The following DIS3L variants were observed in gnomAD, a reference collection of about 807,000 sequenced individuals.
The protein encoded by DIS3L is DIS3 like exosome 3'-5' exoribonuclease.
Under a neutral mutation model 120.3 loss-of-function variants are expected in DIS3L, and 100 were observed. The ratio of observed to expected loss-of-function variants is 0.83; its 90% CI spans 0.71 to 0.98. The LOEUF (loss-of-function observed/expected upper bound fraction) is 0.98. DIS3L is among the 50% of genes least tolerant of loss of function. The pLI is 0.00. For synonymous variants in DIS3L, 426 were observed against 470.6 expected, an observed-to-expected ratio of 0.91 and a Z score of 1.23; for missense variants, 1,196 against 1,314.2, an observed-to-expected ratio of 0.91 and a Z score of 1.39.
intron 5 of DIS3L, among the ~76,000 whole-genome samples, chr15:66,313,078 C>T (rs1393768327): frequency 3.3e-5 from 5 of 152,036 alleles, no homozygotes; most frequent in Non-Finnish European, 4.4e-5. Flanking sequence ...TCACTGCAAC[C>T]TCTGCCTCCC....
At position 66,326,365 on chromosome 15, in the gene DIS3L, G is replaced by C. The variant is rs769719284; in HGVS notation, c.2201+1G>C. The C allele has an allele frequency of 1.9e-6, 3 of 1,611,866 alleles. No individual in the cohort carries two copies. In the East Asian group the frequency reaches 6.7e-5, roughly 36 times the overall value. On this transcript the variant is annotated splice_donor_variant, in intron 12 of 16. Coordinates refer to ENST00000319212, the MANE Select transcript of DIS3L (RefSeq NM_001143688.3). LOFTEE classifies it high-confidence loss of function. ...CCAAAGGCTTCTTCATAGATACACGGTATTCCTCTTTTGAGGGGGCAGAGG... is the reference window on the plus strand; with the variant it reads ...CCAAAGGCTTCTTCATAGATACACGCTATTCCTCTTTTGAGGGGGCAGAGG...
At chr15:66,320,426 A>AT (rs1690792721) in intron 8 of DIS3L, 145 bp from the exon 9 acceptor site, 1 of 829,816 alleles carries the variant, frequency 1.2e-6, no homozygotes, top group Non-Finnish European at 1.7e-6. Flanking sequence ...GAAAAACAAA[A>AT]AAAAAACCCT....
chr15:66,302,869 C>T (rs1338527707), intron 2 of DIS3L, among the ~76,000 whole-genome samples: 3 of 152,154 alleles, frequency 2.0e-5, no homozygotes, highest in Admixed American at 6.6e-5. Context: ...TTTAAGTGCA[C>T]AGTTCAGAGG....
intron 9 of DIS3L, 51 bp from the exon 10 acceptor site, chr15:66,322,636 T>C (rs375487311): frequency 1.6e-5 from 25 of 1,600,334 alleles, no homozygotes; most frequent in Admixed American, 5.2e-5. Flanking sequence ...GAGTGGATTT[T>C]TACAGAAATT....
At position 66,326,083 on chromosome 15, in the gene DIS3L, A is replaced by G; in HGVS notation, c.1920A>G (p.Arg640=). The G allele has an allele frequency of 1.2e-6, 2 of 1,614,214 alleles. No individual in the cohort carries two copies. Among genetic ancestry groups the G allele is most frequent in the South Asian group, 1.1e-5 (1 of 91,082 alleles). ...GKLTDIARHV[R]AKRDGCGALE... ...TGACCGACATAGCTCGCCATGTCAG[A>G]GCTAAACGAGACGGATGTGGTGCCC... The change falls in exon 12 of 17, where the codon AGA becomes AGG. Residue 640 remains arginine, a synonymous_variant. Transcript: ENST00000319212.
At chr15:66,295,847 C>G (rs552229200) in intron 2 of DIS3L, among the ~76,000 whole-genome samples, 1 of 152,170 alleles carries the variant, frequency 6.6e-6, no homozygotes. Flanking sequence ...ATACGTCCAA[C>G]CTTTTAACAC....
At chr15:66,321,817 A>T (rs1443268027) in intron 9 of DIS3L, among the ~76,000 whole-genome samples, 1 of 151,960 alleles carries the variant, frequency 6.6e-6, no homozygotes, top group East Asian at 1.9e-4. Flanking sequence ...CCGCTTTTTA[A>T]TTTCTTTTTG....
chr15:66,325,785 C>T (rs747912199), intron 11 of DIS3L, 46 bp from the exon 12 acceptor site: 2 of 1,543,342 alleles, frequency 1.3e-6, no homozygotes, highest in Admixed American at 4.2e-5. Context: ...CAAAAAAAGC[C>T]AGATGAATTT....
chr15:66,317,239 A>G (rs1456632870), intron 7 of DIS3L, among the ~76,000 whole-genome samples: 1 of 149,938 alleles, frequency 6.7e-6, no homozygotes, highest in Non-Finnish European at 1.5e-5. Flanking sequence ...AACTGATTTT[A>G]TATAAACCCC....
chr15:66,333,526 T>C lies in DIS3L; in HGVS notation c.*214T>C, dbSNP rs56378753. ...CGGGCGGATCACGAGGTCAGGAGAT[T>C]GAGACCATCCTGGCTAACACGGTGA... On this transcript the variant is annotated 3_prime_UTR_variant, in exon 17 of 17. Transcript: ENST00000319212. 931 of 418,600 alleles carry C rather than the reference T, an allele frequency of 2.2e-3. 8 individuals carry two copies. Among genetic ancestry groups the C allele is most frequent in the African/African-American group, 0.017 (857 of 48,980 alleles). 25.9% of individuals were successfully genotyped at this position (418,600 alleles called of 1,614,324 possible).
At chr15:66,294,729 T>C (rs1159515209) in intron 1 of DIS3L, among the ~76,000 whole-genome samples, 2 of 152,162 alleles carry the variant, frequency 1.3e-5, no homozygotes, top group Non-Finnish European at 2.9e-5. Context: ...GCTTGTTCGT[T>C]GTTAAATCAG....
At chr15:66,312,596 A>C (rs2092773480) in intron 5 of DIS3L, among the ~76,000 whole-genome samples, 1 of 152,088 alleles carries the variant, frequency 6.6e-6, no homozygotes, top group African/African-American at 2.4e-5. Context: ...GCCCCTTTCA[A>C]GGGCCTCTTT....
rs74657671 is a variant in DIS3L, at chr15:66,306,815, G to A, written c.294-9G>A. 1.9e-6 allele frequency: 3 copies of A among 1,613,592 alleles called. No homozygotes were observed. The highest frequency in any genetic ancestry group is 1.3e-5 in the African/African-American group (1 of 75,024). ...TTTGTTAGAGTTATTTTTCTCCTCC[G>A]TGTCACAGACAGTATAACAAACTGC... On this transcript the variant is annotated splice_polypyrimidine_tract_variant and intron_variant, in intron 2 of 16. Coordinates refer to ENST00000319212, the MANE Select transcript of DIS3L (RefSeq NM_001143688.3).
intron 2 of DIS3L, among the ~76,000 whole-genome samples, chr15:66,302,938 A>G (rs149463789): frequency 0.011 from 1,741 of 152,260 alleles, 22 homozygotes; most frequent in South Asian, 0.026. Context: ...AGGACTTTTC[A>G]TCTGTCCTAA....
In DIS3L at chr15:66,329,365, A is replaced by G. The variant is rs1341839778; in HGVS notation, c.2501A>G (p.Glu834Gly). The G allele has an allele frequency of 1.2e-6, 2 of 1,612,594 alleles. No homozygotes were observed. Among genetic ancestry groups the G allele is most frequent in the East Asian group, 4.5e-5 (2 of 44,844 alleles). Residue 834 changes from glutamate to glycine, a missense_variant, in exon 14 of 17, where the codon GAG (glutamate) becomes GGG (glycine). Physicochemically the swap from Glu to Gly is moderately conservative, Grantham distance 98 (BLOSUM62 -2). Transcript: ENST00000319212. ...KGNLFSNKDL[E>G]ELCRHINNRN... ...AATCTGTTCAGCAACAAAGATCTTG[A>G]GGAATTATGCAGACATATCAACAAC...
At chr15:66,295,482 T>C (rs950587019) in intron 2 of DIS3L, among the ~76,000 whole-genome samples, 1 of 152,244 alleles carries the variant, frequency 6.6e-6, no homozygotes, top group Non-Finnish European at 1.5e-5. Flanking sequence ...ATCTTATTTA[T>C]AGATACATTG....
At chr15:66,320,443 C>A in intron 8 of DIS3L, 128 bp from the exon 9 acceptor site, 2 of 947,740 alleles carry the variant, frequency 2.1e-6, no homozygotes, top group Non-Finnish European at 3.0e-6. Flanking sequence ...CCCTACCATA[C>A]ACCACTATTT....
chr15:66,294,556 T>G (rs2092564662), intron 1 of DIS3L: 1 of 991,146 alleles, frequency 1.0e-6, no homozygotes, highest in East Asian at 1.1e-4. Flanking sequence ...GTTCAATCTT[T>G]CTGGCCCTTG....
upstream of DIS3L, chr15:66,293,490 T>A: frequency 8.1e-7 from 1 of 1,237,394 alleles, no homozygotes; most frequent in South Asian, 2.9e-5. Flanking sequence ...GCGCGGCAGT[T>A]ACGGCGGTTC....
Sources: gnomAD v4.1 joint callset for allele counts (sites outside exome capture counted in the v4.1 genomes callset) on GRCh38, gnomAD v4.1.1 for gene constraint, MANE v1.5 for transcripts, NCBI Gene and HGNC (gene_info 2026-07-23, HGNC 2026-07-21) for gene names.